The following C12orf42 variants were observed in gnomAD, a reference collection of about 807,000 sequenced individuals.
C12orf42 encodes the protein uncharacterized protein C12orf42.
Under a neutral mutation model 21.6 loss-of-function variants are expected in C12orf42, and 25 were observed. The observed-to-expected ratio is 1.16, with a 90% CI of 0.84 to 1.62. The LOEUF (loss-of-function observed/expected upper bound fraction) is 1.62, where lower values mean the gene tolerates loss of function less well. Ranked by LOEUF, C12orf42 falls within the 40% of genes most tolerant of loss-of-function variation. The pLI is 0.00. For missense variants in C12orf42, 483 were observed against 459.3 expected (o/e 1.05, Z -0.47); for synonymous variants, 174 against 175.0 (o/e 0.99, Z 0.05).
intron 3 of C12orf42, among the ~76,000 whole-genome samples, chr12:103,375,186 A>G (rs1177612847): frequency 6.6e-6 from 1 of 152,236 alleles, no homozygotes; most frequent in Non-Finnish European, 1.5e-5. Flanking sequence ...TGAAAATTAT[A>G]GGAAATGTCA....
chr12:103,191,543 C>CAAAAAAAAAAAAAAAAAAAAAA, the C12orf42 span, among the ~76,000 whole-genome samples: 1 of 58,104 alleles, frequency 1.7e-5, no homozygotes. Flanking sequence ...CTCCACTCTA[C>CAAAAAAAAAAAAAAAAAAAAAA]AAAAAAAAAA....
the C12orf42 span, among the ~76,000 whole-genome samples, chr12:103,183,514 A>C: frequency 6.6e-6 from 1 of 151,966 alleles, no homozygotes; most frequent in African/African-American, 2.4e-5. Flanking sequence ...TTTTTTGAAT[A>C]ACCAGCTTTT....
the C12orf42 span, among the ~76,000 whole-genome samples, chr12:103,095,933 G>C: frequency 6.6e-6 from 1 of 152,170 alleles, no homozygotes; most frequent in African/African-American, 2.4e-5. Context: ...GCCCAGTTCT[G>C]TGGGTCCCAA....
chr12:103,107,134 A>C, the C12orf42 span, among the ~76,000 whole-genome samples: 1 of 152,048 alleles, frequency 6.6e-6, no homozygotes, highest in Admixed American at 6.5e-5. Context: ...GGCAAACTTG[A>C]TATAGATAAT....
the C12orf42 span, among the ~76,000 whole-genome samples, chr12:103,070,774 T>G: frequency 6.6e-6 from 1 of 152,108 alleles, no homozygotes; most frequent in Non-Finnish European, 1.5e-5. Flanking sequence ...TTTCTGTATC[T>G]CCATCTAGTC....
At chr12:103,188,306 A>C in the C12orf42 span, among the ~76,000 whole-genome samples, 1 of 150,430 alleles carries the variant, frequency 6.6e-6, no homozygotes, top group South Asian at 2.1e-4. Flanking sequence ...ATTTTTCCAT[A>C]AGTTTATTGG....
At chr12:103,349,816 A>G (rs2042959429) in intron 4 of C12orf42, among the ~76,000 whole-genome samples, 1 of 152,192 alleles carries the variant, frequency 6.6e-6, no homozygotes, top group Non-Finnish European at 1.5e-5. Flanking sequence ...ATCAGGAAAC[A>G]TATCAAGTAA....
intron 3 of C12orf42, among the ~76,000 whole-genome samples, chr12:103,374,643 G>A (rs147720286): frequency 8.6e-5 from 13 of 152,006 alleles, no homozygotes; most frequent in East Asian, 5.8e-4. Flanking sequence ...CACAAAATAC[G>A]CCAACACACA....
intron 4 of C12orf42, among the ~76,000 whole-genome samples, chr12:103,356,605 C>T (rs961398926): frequency 6.6e-6 from 1 of 151,736 alleles, no homozygotes; most frequent in South Asian, 2.1e-4. Flanking sequence ...GCCACACTGA[C>T]TTCCACAATG....
chr12:103,340,882 G>A (rs1209252140), intron 4 of C12orf42, among the ~76,000 whole-genome samples: 2 of 152,176 alleles, frequency 1.3e-5, no homozygotes, highest in South Asian at 4.2e-4. Context: ...GGGAGGCCTA[G>A]GCGGGGGGAT....
chr12:103,262,301 CAT>C lies in C12orf42; in HGVS notation c.*1366+1023_*1366+1024del, dbSNP rs2034936291. The C allele has an allele frequency of 2.0e-5, 3 of 152,262 alleles. No individual in the cohort carries two copies. In the South Asian group the frequency reaches 6.2e-4, roughly 32 times the overall value. The allele number at this position is 152,262 out of a possible 1,614,324, so 9.4% of individuals were successfully genotyped here. ...CTGGCTTTTAATCAAAATGTCCAAT[CAT>C]AAATTATGATACACCTCTATGGTGG... On this transcript the variant is annotated intron_variant and NMD_transcript_variant, in intron 10 of 10. Coordinates refer to the C12orf42 transcript ENST00000547347.
the C12orf42 span, among the ~76,000 whole-genome samples, chr12:103,049,807 A>T: frequency 6.6e-6 from 1 of 152,114 alleles, no homozygotes; most frequent in Non-Finnish European, 1.5e-5. Flanking sequence ...TAATCTGCTT[A>T]GATGGTTTCC....
chr12:103,409,606 G>T (rs1444933116), intron 2 of C12orf42, among the ~76,000 whole-genome samples: 1 of 152,026 alleles, frequency 6.6e-6, no homozygotes, highest in Non-Finnish European at 1.5e-5. Context: ...AACATTCATT[G>T]TGGTCAAAAA....
chr12:103,505,007 G>T, the C12orf42 span: 1 of 205,010 alleles, frequency 4.9e-6, no homozygotes. Flanking sequence ...CCATGGGAAT[G>T]CTGTGTTCTG....
chr12:103,451,253 G>A (rs545580482), intron 2 of C12orf42, among the ~76,000 whole-genome samples: 4 of 151,716 alleles, frequency 2.6e-5, no homozygotes, highest in Non-Finnish European at 4.4e-5. Context: ...TTGAGACAGG[G>A]TCTCACTCTG....
chr12:103,328,137 A>T (rs2040876798), intron 4 of C12orf42, among the ~76,000 whole-genome samples: 1 of 152,202 alleles, frequency 6.6e-6, no homozygotes, highest in Admixed American at 6.5e-5. Context: ...ACATCATAAC[A>T]TGTTAGCAAT....
the C12orf42 span, among the ~76,000 whole-genome samples, chr12:103,212,132 T>C: frequency 6.6e-6 from 1 of 152,202 alleles, no homozygotes; most frequent in African/African-American, 2.4e-5. Context: ...TCCACAAAGA[T>C]AACCATGTGT....
chr12:103,078,570 T>C, the C12orf42 span, among the ~76,000 whole-genome samples: 2 of 152,232 alleles, frequency 1.3e-5, no homozygotes, highest in Non-Finnish European at 2.9e-5. Flanking sequence ...AATAGTCAAC[T>C]GTATGATGGC....
intron 2 of C12orf42, among the ~76,000 whole-genome samples, chr12:103,425,241 G>A (rs1949710028): frequency 6.6e-6 from 1 of 152,168 alleles, no homozygotes; most frequent in African/African-American, 2.4e-5. Context: ...CTAGGGGAAG[G>A]GGTGGCTGTG....
Sources: allele counts gnomAD v4.1 joint callset (sites outside exome capture counted in the v4.1 genomes callset), GRCh38; gene constraint gnomAD v4.1.1; transcripts MANE v1.5; gene names NCBI Gene and HGNC (gene_info 2026-07-23, HGNC 2026-07-21).